Variants in RAB3C observed in about 807,000 individuals in gnomAD.
RAB3C encodes RAB3C, member RAS oncogene family.
A neutral mutation model predicts 26.4 loss-of-function variants in RAB3C; 17 were observed. The observed-to-expected ratio is 0.64, with a 90% CI of 0.44 to 0.97. The LOEUF is 0.97. Ranked by LOEUF, RAB3C falls within the 50% of genes least tolerant of loss-of-function variation. The pLI is 0.00. For synonymous variants in RAB3C, 91 were observed against 95.9 expected (o/e 0.95, Z 0.30); for missense variants, 242 against 281.9 (o/e 0.86, Z 1.01).
intron 3 of RAB3C, among the ~76,000 whole-genome samples, chr5:58,806,085 C>A (rs1413480800): frequency 6.6e-6 from 1 of 152,144 alleles, no homozygotes; most frequent in Non-Finnish European, 1.5e-5. Context: ...GAATCTAATT[C>A]TCTGAACTGA....
At chr5:58,737,901 GA>G (rs370471318) in intron 3 of RAB3C, among the ~76,000 whole-genome samples, 1,809 of 147,488 alleles carry the variant, frequency 0.012, 29 homozygotes, top group African/African-American at 0.04. Flanking sequence ...AAAGAGAAAA[GA>G]AAAAAAAAAT....
At chr5:58,750,304 T>C (rs1405248735) in intron 3 of RAB3C, among the ~76,000 whole-genome samples, 3 of 152,176 alleles carry the variant, frequency 2.0e-5, no homozygotes, top group African/African-American at 7.2e-5. Context: ...AATAAGACAA[T>C]AGTAAGATAT....
chr5:58,732,080 A>T (rs988344737), intron 3 of RAB3C, among the ~76,000 whole-genome samples: 9 of 144,704 alleles, frequency 6.2e-5, no homozygotes, highest in African/African-American at 2.3e-4. Flanking sequence ...TTATTTATTT[A>T]TTTATTTTTT....
chr5:58,584,678 A>G (rs891550065), intron 1 of RAB3C, among the ~76,000 whole-genome samples: 2 of 152,230 alleles, frequency 1.3e-5, no homozygotes, highest in African/African-American at 4.8e-5. Context: ...GTATATGTAT[A>G]TTAAAACATG....
rs1744330546 is a variant in RAB3C, at chr5:58,859,260, T to G, written c.*7909T>G. Reference sequence around the variant, plus strand: ...TTTTAATTATCTTTATTGAAATTAATTGTGTAAAAATGGTATGTGCTCTAT... The same window carrying G: ...TTTTAATTATCTTTATTGAAATTAAGTGTGTAAAAATGGTATGTGCTCTAT... On this transcript the variant is annotated 3_prime_UTR_variant, in exon 5 of 5. Coordinates refer to ENST00000282878, the MANE Select transcript of RAB3C (RefSeq NM_138453.4). 1 of 152,224 alleles carries G rather than the reference T, an allele frequency of 6.6e-6. No individual in the cohort carries two copies. 9.4% of individuals were successfully genotyped at this position (152,224 alleles called of 1,614,324 possible). A position where few individuals can be genotyped will look rare whatever the true frequency, so the allele number is the denominator to read the frequency against.
intron 3 of RAB3C, among the ~76,000 whole-genome samples, chr5:58,740,263 C>G (rs570338206): frequency 6.6e-6 from 1 of 152,128 alleles, no homozygotes; most frequent in African/African-American, 2.4e-5. Flanking sequence ...CACGCCTGGG[C>G]CTGAATGAGG....
At chr5:58,762,567 C>T (rs2111977850) in intron 3 of RAB3C, among the ~76,000 whole-genome samples, 1 of 152,130 alleles carries the variant, frequency 6.6e-6, no homozygotes, top group South Asian at 2.1e-4. Flanking sequence ...GTGGCTGGTG[C>T]CTGTAATCCC....
chr5:58,706,834 T>C (rs1370238616), intron 2 of RAB3C, among the ~76,000 whole-genome samples: 1 of 152,200 alleles, frequency 6.6e-6, no homozygotes, highest in Non-Finnish European at 1.5e-5. Context: ...CTATCTTGAG[T>C]CAAAATCTAT....
intron 1 of RAB3C, among the ~76,000 whole-genome samples, chr5:58,599,696 TTTTTCTTTTTTA>T (rs1426265622): frequency 6.6e-6 from 1 of 151,348 alleles, no homozygotes; most frequent in African/African-American, 2.5e-5. Context: ...TTTTCTTTTT[TTTTTCTTTTTTA>T]TTATACTTTA....
chr5:58,584,590 A>G (rs566070514), intron 1 of RAB3C, among the ~76,000 whole-genome samples: 1 of 152,322 alleles, frequency 6.6e-6, no homozygotes, highest in African/African-American at 2.4e-5. Flanking sequence ...CCAGGAGCCA[A>G]CTGGCTAAAT....
intron 2 of RAB3C, among the ~76,000 whole-genome samples, chr5:58,707,670 A>G (rs1023132538): frequency 3.3e-5 from 5 of 152,208 alleles, no homozygotes; most frequent in African/African-American, 1.2e-4. Context: ...AGAATGACCA[A>G]GGGTGCTTGG....
chr5:58,768,171 C>T (rs1439046103), intron 3 of RAB3C, among the ~76,000 whole-genome samples: 1 of 152,076 alleles, frequency 6.6e-6, no homozygotes, highest in Non-Finnish European at 1.5e-5. Context: ...CTTTGAAATG[C>T]CTACAGGATC....
At chr5:58,808,526 C>A (rs1420316675) in intron 3 of RAB3C, among the ~76,000 whole-genome samples, 1 of 152,138 alleles carries the variant, frequency 6.6e-6, no homozygotes, top group East Asian at 1.9e-4. Flanking sequence ...ACCCATTGGG[C>A]AAATCTTATG....
chr5:58,642,522 A>G (rs983898407), intron 2 of RAB3C, among the ~76,000 whole-genome samples: 4 of 152,232 alleles, frequency 2.6e-5, no homozygotes, highest in Admixed American at 6.5e-5. Context: ...AATTTTAAGC[A>G]TTATAAAACA....
chr5:58,606,344 A>G (rs1444841159), intron 1 of RAB3C, among the ~76,000 whole-genome samples: 1 of 152,120 alleles, frequency 6.6e-6, no homozygotes, highest in Non-Finnish European at 1.5e-5. Context: ...CTGATGGGGG[A>G]GGGGCATCCA....
At chr5:58,791,828 A>T (rs1742529864) in intron 3 of RAB3C, among the ~76,000 whole-genome samples, 2 of 152,230 alleles carry the variant, frequency 1.3e-5, no homozygotes, top group African/African-American at 4.8e-5. Flanking sequence ...TATTTTCATG[A>T]AACTCTAAAA....
intron 2 of RAB3C, among the ~76,000 whole-genome samples, chr5:58,638,187 C>G (rs1747327573): frequency 6.6e-6 from 1 of 152,028 alleles, no homozygotes; most frequent in Non-Finnish European, 1.5e-5. Flanking sequence ...TTCTTTGAAC[C>G]CTGCAATGCT....
intron 1 of RAB3C, among the ~76,000 whole-genome samples, chr5:58,608,212 G>A (rs1746613732): frequency 1.3e-5 from 2 of 152,220 alleles, no homozygotes; most frequent in Middle Eastern, 3.4e-3. Flanking sequence ...GACATGTGTA[G>A]GCTTAAAATA....
intron 2 of RAB3C, among the ~76,000 whole-genome samples, chr5:58,621,169 A>T (rs1262710886): frequency 6.6e-6 from 1 of 152,190 alleles, no homozygotes; most frequent in African/African-American, 2.4e-5. Context: ...ATCTTAGCCT[A>T]TTATATATTT....
Sources: gnomAD v4.1 joint callset for allele counts (sites outside exome capture counted in the v4.1 genomes callset) on GRCh38, gnomAD v4.1.1 for gene constraint, MANE v1.5 for transcripts, NCBI Gene and HGNC (gene_info 2026-07-23, HGNC 2026-07-21) for gene names.